RBFOX1: variants seen among roughly 807,000 people sequenced by gnomAD.
RBFOX1 encodes the protein RNA binding protein fox-1 homolog 1.
In RBFOX1, 8 loss-of-function variants were observed where a neutral mutation model predicts 57.7. The ratio of observed to expected loss-of-function variants is 0.14; its 90% CI spans 0.08 to 0.25. RBFOX1 has a LOEUF of 0.25. Ranked by LOEUF, RBFOX1 falls within the 10% of genes least tolerant of loss-of-function variation. RBFOX1 has a pLI of 1.00. For missense variants in RBFOX1, 611 were observed against 548.5 expected, an observed-to-expected ratio of 1.11 and a Z score of -1.14; for synonymous variants, 326 against 222.4, an observed-to-expected ratio of 1.47 and a Z score of -4.15.
intron 3 of RBFOX1, among the ~76,000 whole-genome samples, chr16:7,000,389 G>A (rs1047146446): frequency 1.3e-5 from 2 of 151,976 alleles, no homozygotes; most frequent in African/African-American, 4.8e-5. Context: ...CTCCAACTCA[G>A]TGTTTGCAAT....
chr16:7,405,229 A>T (rs2098318956), intron 4 of RBFOX1, among the ~76,000 whole-genome samples: 1 of 152,192 alleles, frequency 6.6e-6, no homozygotes, highest in South Asian at 2.1e-4. Flanking sequence ...GTAAAGTAGA[A>T]AGGAAAACAG....
chr16:7,617,313 G>T (rs1204078464), intron 10 of RBFOX1, among the ~76,000 whole-genome samples: 4 of 152,148 alleles, frequency 2.6e-5, no homozygotes, highest in African/African-American at 7.2e-5. Context: ...TTGTTTTCCA[G>T]TAAAACTAAG....
At chr16:5,865,441 C>A (rs1054431754) in intron 3 of RBFOX1, among the ~76,000 whole-genome samples, 1 of 152,166 alleles carries the variant, frequency 6.6e-6, no homozygotes, top group Admixed American at 6.5e-5. Context: ...GCTTGGCAAG[C>A]CTTCAGCCAC....
intron 3 of RBFOX1, among the ~76,000 whole-genome samples, chr16:5,655,891 G>T (rs1409187191): frequency 6.6e-6 from 1 of 152,198 alleles, no homozygotes; most frequent in Non-Finnish European, 1.5e-5. Context: ...TTTAAAGCAT[G>T]TGCAATTGTA....
At chr16:6,162,516 G>A (rs2096887349) in intron 1 of RBFOX1, among the ~76,000 whole-genome samples, 1 of 152,156 alleles carries the variant, frequency 6.6e-6, no homozygotes, top group African/African-American at 2.4e-5. Context: ...ATCTGTTTAA[G>A]GAACGAAATG....
intron 2 of RBFOX1, among the ~76,000 whole-genome samples, chr16:6,400,587 T>C (rs1397010200): frequency 3.9e-5 from 6 of 152,110 alleles, no homozygotes; most frequent in Non-Finnish European, 7.4e-5. Context: ...ATAGTAAATA[T>C]AAAAACAGAA....
At chr16:6,688,782 T>C (rs551040089) in intron 3 of RBFOX1, among the ~76,000 whole-genome samples, 3 of 152,042 alleles carry the variant, frequency 2.0e-5, no homozygotes, top group Admixed American at 6.6e-5. Flanking sequence ...ATGCCATCCT[T>C]CCCTAGCCCA....
chr16:6,113,527 T>G (rs2096467113), intron 1 of RBFOX1, among the ~76,000 whole-genome samples: 1 of 152,182 alleles, frequency 6.6e-6, no homozygotes, highest in South Asian at 2.1e-4. Context: ...CATGATGAGA[T>G]GGCCAGGAGC....
chr16:5,658,766 GTATATA>G (rs1318289648), intron 3 of RBFOX1, among the ~76,000 whole-genome samples: 74 of 138,534 alleles, frequency 5.3e-4, no homozygotes, highest in African/African-American at 1.9e-3. Flanking sequence ...ATATGTGTAT[GTATATA>G]TGTATATATG....
intron 2 of RBFOX1, among the ~76,000 whole-genome samples, chr16:6,533,411 C>G (rs1013968902): frequency 6.6e-6 from 1 of 152,166 alleles, no homozygotes; most frequent in Non-Finnish European, 1.5e-5. Context: ...GATGCTGTTA[C>G]CAGCACTGTG....
At chr16:7,574,930 T>G (rs1032940340) in intron 5 of RBFOX1, among the ~76,000 whole-genome samples, 22 of 152,098 alleles carry the variant, frequency 1.4e-4, no homozygotes, top group African/African-American at 5.3e-4. Context: ...GCCTCCTGGA[T>G]AACAGCTGCT....
chr16:6,618,957 G>A (rs1447538384), intron 2 of RBFOX1, among the ~76,000 whole-genome samples: 1 of 152,160 alleles, frequency 6.6e-6, no homozygotes, highest in African/African-American at 2.4e-5. Flanking sequence ...CACAGAGAAT[G>A]CAAAAGGGTT....
At chr16:6,100,669 T>C (rs1345811889) in intron 1 of RBFOX1, among the ~76,000 whole-genome samples, 1 of 152,256 alleles carries the variant, frequency 6.6e-6, no homozygotes, top group African/African-American at 2.4e-5. Context: ...TTGATCTATC[T>C]AACATTACAG....
At chr16:7,352,020 T>C (rs2146010585) in intron 4 of RBFOX1, among the ~76,000 whole-genome samples, 1 of 152,282 alleles carries the variant, frequency 6.6e-6, no homozygotes, top group African/African-American at 2.4e-5. Context: ...GCTCAGTTCT[T>C]GACTTGGGGT....
chr16:7,339,871 G>A (rs1367517283), intron 4 of RBFOX1, among the ~76,000 whole-genome samples: 1 of 152,164 alleles, frequency 6.6e-6, no homozygotes, highest in South Asian at 2.1e-4. Context: ...ACAAGCCAAG[G>A]GCTGTCACTC....
intron 4 of RBFOX1, among the ~76,000 whole-genome samples, chr16:7,087,529 G>C (rs1330754391): frequency 6.6e-6 from 1 of 151,500 alleles, no homozygotes; most frequent in East Asian, 1.9e-4. Flanking sequence ...AAGAGAAGAA[G>C]GGCAAGAGTT....
intron 4 of RBFOX1, among the ~76,000 whole-genome samples, chr16:5,890,744 C>G (rs188694015): frequency 6.6e-6 from 1 of 151,216 alleles, no homozygotes; most frequent in Non-Finnish European, 1.5e-5. Flanking sequence ...GTCTTCAGCC[C>G]TACATCTGTC....
At chr16:5,790,818 T>C (rs1250175852) in intron 3 of RBFOX1, among the ~76,000 whole-genome samples, 3 of 151,966 alleles carry the variant, frequency 2.0e-5, no homozygotes, top group Non-Finnish European at 4.4e-5. Flanking sequence ...GCTGCTCTTG[T>C]GGCCCTCTGC....
At chr16:5,534,670 C>G (rs1248340909) in intron 2 of RBFOX1, among the ~76,000 whole-genome samples, 1 of 152,190 alleles carries the variant, frequency 6.6e-6, no homozygotes, top group Admixed American at 6.5e-5. Context: ...CCCACTCACA[C>G]TGAGGGTGGG....
Sources: allele counts gnomAD v4.1 joint callset (sites outside exome capture counted in the v4.1 genomes callset), GRCh38; gene constraint gnomAD v4.1.1; transcripts MANE v1.5; gene names NCBI Gene and HGNC (gene_info 2026-07-23, HGNC 2026-07-21).